Variants in PARD3 observed in about 807,000 individuals in gnomAD.
PARD3 encodes par-3 family cell polarity regulator.
PARD3 carries 75 observed loss-of-function variants against 155.4 expected under a neutral mutation model. The observed-to-expected ratio is 0.48, with a 90% CI of 0.40 to 0.58. The LOEUF (loss-of-function observed/expected upper bound fraction) is 0.58, where lower values mean the gene tolerates loss of function less well. PARD3 is among the 20% of genes least tolerant of loss of function. The pLI is 0.00. For synonymous variants in PARD3, 576 were observed against 610.5 expected, an observed-to-expected ratio of 0.94 and a Z score of 0.83; for missense variants, 1,642 against 1,721.7, an observed-to-expected ratio of 0.95 and a Z score of 0.82.
chr10:34,785,735 A>C (rs866791680), intron 1 of PARD3, among the ~76,000 whole-genome samples: 1 of 152,202 alleles, frequency 6.6e-6, no homozygotes, highest in Non-Finnish European at 1.5e-5. Flanking sequence ...GGACAGGCTC[A>C]TGTGAAGGTC....
chr10:34,288,821 C>T (rs1956529401), intron 20 of PARD3, among the ~76,000 whole-genome samples: 1 of 152,200 alleles, frequency 6.6e-6, no homozygotes, highest in African/African-American at 2.4e-5. Context: ...CAGAGTTTTG[C>T]AATCTGCTCT....
intron 21 of PARD3, among the ~76,000 whole-genome samples, chr10:34,276,726 T>C (rs1257526174): frequency 6.6e-6 from 1 of 152,062 alleles, no homozygotes; most frequent in Non-Finnish European, 1.5e-5. Flanking sequence ...AGTTACATAC[T>C]AAATACTTTC....
At chr10:34,371,727 G>T (rs1308840811) in intron 12 of PARD3, among the ~76,000 whole-genome samples, 1 of 151,776 alleles carries the variant, frequency 6.6e-6, no homozygotes, top group Non-Finnish European at 1.5e-5. Flanking sequence ...TTCCATTTAC[G>T]ATAGTTTGAG....
intron 3 of PARD3, among the ~76,000 whole-genome samples, chr10:34,476,891 T>G (rs527804117): frequency 5.9e-5 from 9 of 152,266 alleles, no homozygotes; most frequent in Non-Finnish European, 1.3e-4. Flanking sequence ...TCACCTTATT[T>G]TAAGGAAAGA....
chr10:34,451,761 C>T (rs976293726), intron 4 of PARD3, among the ~76,000 whole-genome samples: 1 of 143,174 alleles, frequency 7.0e-6, no homozygotes. Context: ...CAAGATGAAA[C>T]TTTAGCAGCA....
chr10:34,244,692 T>G (rs535964871), intron 22 of PARD3, among the ~76,000 whole-genome samples: 1 of 152,240 alleles, frequency 6.6e-6, no homozygotes, highest in South Asian at 2.1e-4. Flanking sequence ...ATTTTAAAAA[T>G]TGAATCATTC....
intron 22 of PARD3, among the ~76,000 whole-genome samples, chr10:34,250,942 G>A (rs1326517565): frequency 6.6e-6 from 1 of 152,186 alleles, no homozygotes; most frequent in Non-Finnish European, 1.5e-5. Flanking sequence ...CACAAGCTCT[G>A]AGAGAATCTG....
chr10:34,217,697 A>C (rs955293125), intron 22 of PARD3, among the ~76,000 whole-genome samples: 2 of 152,126 alleles, frequency 1.3e-5, no homozygotes, highest in Non-Finnish European at 2.9e-5. Context: ...ACTGTGGCCT[A>C]AGGGTGAGAT....
rs201493872 is a variant in PARD3, at chr10:34,666,796, A to T, written c.222+29522T>A. Among the ~76,000 whole-genome samples, 420 of 66,898 alleles carry T rather than the reference A, an allele frequency of 6.3e-3. 11 individuals are homozygous for T. Among genetic ancestry groups the T allele is most frequent in the Admixed American group, 0.033 (181 of 5,560 alleles). The allele number at this position is 66,898 out of a possible 152,430, so 43.9% of individuals were successfully genotyped here. ...TCCCCCTAAAAAAAAAAAAAAAAAA[A>T]ATATATATATATATATATATACACA... is the stretch of plus-strand genomic sequence containing the variant. On this transcript the variant is annotated intron_variant, in intron 2 of 24. Coordinates refer to ENST00000374788, the MANE Select transcript of PARD3 (RefSeq NM_001184785.2).
chr10:34,443,033 C>A (rs2076548003), intron 5 of PARD3, among the ~76,000 whole-genome samples: 1 of 150,686 alleles, frequency 6.6e-6, no homozygotes, highest in Admixed American at 6.6e-5. Context: ...AGGGGATTTT[C>A]TTCTATGTAG....
chr10:34,448,841 C>G (rs976316025), intron 5 of PARD3, among the ~76,000 whole-genome samples: 1 of 151,452 alleles, frequency 6.6e-6, no homozygotes, highest in Non-Finnish European at 1.5e-5. Flanking sequence ...AAAAAATTTG[C>G]CAACAGAATA....
chr10:34,233,017 A>ATTTTTTTTTTTTT (rs3039283), intron 22 of PARD3, among the ~76,000 whole-genome samples: 50 of 96,172 alleles, frequency 5.2e-4, no homozygotes, highest in African/African-American at 1.7e-3. Flanking sequence ...TCAAATGTTA[A>ATTTTTTTTTTTTT]TTTTTTTTTT....
chr10:34,785,847 A>T (rs1449353202), intron 1 of PARD3, among the ~76,000 whole-genome samples: 1 of 152,234 alleles, frequency 6.6e-6, no homozygotes, highest in Non-Finnish European at 1.5e-5. Context: ...AGAAAAAAAA[A>T]TTAATACTAT....
At chr10:34,229,543 G>A (rs1952802915) in intron 22 of PARD3, among the ~76,000 whole-genome samples, 1 of 151,838 alleles carries the variant, frequency 6.6e-6, no homozygotes, top group African/African-American at 2.4e-5. Context: ...GCCACATCTG[G>A]CCCCAACTCT....
chr10:34,719,982 C>G (rs1222861343), intron 1 of PARD3, among the ~76,000 whole-genome samples: 5 of 152,184 alleles, frequency 3.3e-5, no homozygotes, highest in Non-Finnish European at 7.3e-5. Flanking sequence ...AGTCATCTGA[C>G]ATTCCTGCAA....
chr10:34,334,057 AAAGT>A, intron 18 of PARD3, among the ~76,000 whole-genome samples: 1 of 151,988 alleles, frequency 6.6e-6, no homozygotes, highest in Middle Eastern at 3.4e-3. Context: ...TTACATCATA[AAAGT>A]TAGTATCTTT....
chr10:34,122,853 T>C (rs1223023525), intron 23 of PARD3, among the ~76,000 whole-genome samples: 2 of 152,212 alleles, frequency 1.3e-5, no homozygotes, highest in Non-Finnish European at 2.9e-5. Flanking sequence ...TTTTACACAC[T>C]GTGGCTTCAA....
intron 2 of PARD3, among the ~76,000 whole-genome samples, chr10:34,574,682 G>A (rs1275384309): frequency 6.6e-6 from 1 of 152,184 alleles, no homozygotes; most frequent in East Asian, 1.9e-4. Context: ...TATGACTCAA[G>A]TATTTACGGC....
chr10:34,403,197 T>C (rs1022333177), intron 5 of PARD3, among the ~76,000 whole-genome samples: 1 of 152,222 alleles, frequency 6.6e-6, no homozygotes, highest in African/African-American at 2.4e-5. Context: ...GGTTTATATG[T>C]ATAATTTATG....
Sources: allele counts gnomAD v4.1 joint callset (sites outside exome capture counted in the v4.1 genomes callset), GRCh38; gene constraint gnomAD v4.1.1; transcripts MANE v1.5; gene names NCBI Gene and HGNC (gene_info 2026-07-23, HGNC 2026-07-21).